Variants in PPARGC1A observed in about 807,000 individuals in gnomAD.
The protein encoded by PPARGC1A is peroxisome proliferator-activated receptor gamma coactivator 1-alpha.
In PPARGC1A, 25 loss-of-function variants were observed where a neutral mutation model predicts 88.7. The ratio of observed to expected loss-of-function variants is 0.28; its 90% CI spans 0.21 to 0.39. PPARGC1A has a LOEUF of 0.39. Ranked by LOEUF, PPARGC1A falls within the 10% of genes least tolerant of loss-of-function variation. The pLI is 1.00. For synonymous variants in PPARGC1A, 363 were observed against 355.6 expected (o/e 1.02, Z -0.24); for missense variants, 880 against 968.7 (o/e 0.91, Z 1.22).
chr4:24,328,376 T>TAATTTC, the PPARGC1A span, among the ~76,000 whole-genome samples: 2 of 152,126 alleles, frequency 1.3e-5, no homozygotes, highest in Non-Finnish European at 2.9e-5. Context: ...CCACAGACCT[T>TAATTTC]AATTTCTTCT....
the PPARGC1A span, among the ~76,000 whole-genome samples, chr4:24,302,830 A>G: frequency 6.6e-6 from 1 of 152,228 alleles, no homozygotes; most frequent in Non-Finnish European, 1.5e-5. Context: ...AGACAAATAA[A>G]TTACTGCCTG....
At chr4:24,264,611 A>G in the PPARGC1A span, among the ~76,000 whole-genome samples, 2 of 152,386 alleles carry the variant, frequency 1.3e-5, no homozygotes, top group South Asian at 4.1e-4. Context: ...CATTGGCAAC[A>G]TGCGGAACCC....
the PPARGC1A span, among the ~76,000 whole-genome samples, chr4:24,209,146 G>A: frequency 6.6e-6 from 1 of 152,098 alleles, no homozygotes; most frequent in Non-Finnish European, 1.5e-5. Flanking sequence ...TTCAAAGGCC[G>A]GTTTCATCAC....
At position 23,844,735 on chromosome 4, in the gene PPARGC1A, G is replaced by GT. The variant is rs1318332239; in HGVS notation, c.235-12985_235-12984insA. Among the ~76,000 whole-genome samples the GT allele has an allele frequency of 7.9e-4, 27 of 34,024 alleles. 1 individual carries two copies. The highest frequency in any genetic ancestry group is 4.3e-3 in the African/African-American group (25 of 5,750). The allele number at this position is 34,024 out of a possible 152,430, so 22.3% of individuals were successfully genotyped here. A position where few individuals can be genotyped will look rare whatever the true frequency, so the allele number is the denominator to read the frequency against. ...TATGATATATATTATTATAATATAT[G>GT]ATATATCATAATATATGATATATAT... On this transcript the variant is annotated intron_variant, in intron 2 of 12. Transcript: ENST00000264867.
chr4:23,929,298 G>A, the PPARGC1A span, among the ~76,000 whole-genome samples: 2 of 152,110 alleles, frequency 1.3e-5, no homozygotes, highest in East Asian at 1.9e-4. Flanking sequence ...TGCTATATGT[G>A]GTAGAAGGAA....
intron 2 of PPARGC1A, chr4:23,883,128 G>C (rs1222652753): frequency 6.6e-6 from 1 of 152,168 alleles, no homozygotes; most frequent in African/African-American, 2.4e-5. Context: ...AGTTCTAACT[G>C]GCCAAGTCCT....
At chr4:23,796,929 T>A (rs1052468787) in intron 12 of PPARGC1A, among the ~76,000 whole-genome samples, 2 of 151,942 alleles carry the variant, frequency 1.3e-5, no homozygotes, top group Admixed American at 6.6e-5. Flanking sequence ...TAGAAGGATA[T>A]AATACTAGAT....
the PPARGC1A span, among the ~76,000 whole-genome samples, chr4:24,205,071 C>T: frequency 6.6e-6 from 1 of 152,178 alleles, no homozygotes; most frequent in Non-Finnish European, 1.5e-5. Flanking sequence ...GTGATCCACC[C>T]ACCTCAGCCT....
chr4:23,951,933 G>T, the PPARGC1A span, among the ~76,000 whole-genome samples: 1 of 152,074 alleles, frequency 6.6e-6, no homozygotes, highest in Admixed American at 6.6e-5. Flanking sequence ...TGTTCATCTG[G>T]AAAGTGTCTG....
chr4:24,011,697 C>T, the PPARGC1A span, among the ~76,000 whole-genome samples: 5 of 152,278 alleles, frequency 3.3e-5, no homozygotes, highest in Admixed American at 6.5e-5. Flanking sequence ...GTCCAGAACC[C>T]GCAGGAAAAT....
At chr4:23,827,147 T>C (rs573173359) in intron 5 of PPARGC1A, among the ~76,000 whole-genome samples, 3 of 152,296 alleles carry the variant, frequency 2.0e-5, no homozygotes, top group African/African-American at 7.2e-5. Context: ...ATTTCACTAA[T>C]TATATTTTCC....
At chr4:24,472,781 TGTGTGC>T in the PPARGC1A span, among the ~76,000 whole-genome samples, 50 of 151,240 alleles carry the variant, frequency 3.3e-4, no homozygotes, top group Admixed American at 1.2e-3. This position sits in a 1 kb window ranked among gnomAD's most constrained non-coding sequence, Gnocchi z 4.5. Context: ...TGCGCGCGTG[TGTGTGC>T]GTGTGCGTGT....
chr4:24,172,094 G>A, the PPARGC1A span, among the ~76,000 whole-genome samples: 112 of 152,170 alleles, frequency 7.4e-4, 1 homozygote, highest in Non-Finnish European at 1.1e-3. Flanking sequence ...CCTCTACTAT[G>A]GCAAAAACTA....
chr4:24,469,046 T>C, the PPARGC1A span, among the ~76,000 whole-genome samples: 3 of 152,172 alleles, frequency 2.0e-5, no homozygotes, highest in Non-Finnish European at 4.4e-5. Context: ...GGATTTTTAA[T>C]TGAGGTAGAG....
the PPARGC1A span, among the ~76,000 whole-genome samples, chr4:24,024,004 G>A: frequency 2.0e-5 from 3 of 152,156 alleles, no homozygotes; most frequent in Admixed American, 2.0e-4. Flanking sequence ...TGTCCATACT[G>A]CAAACATGGG....
chr4:23,969,781 T>C, the PPARGC1A span, among the ~76,000 whole-genome samples: 1 of 152,148 alleles, frequency 6.6e-6, no homozygotes, highest in Non-Finnish European at 1.5e-5. Flanking sequence ...CCACACACGT[T>C]GGGAGTTCCA....
chr4:24,194,630 G>GCGCACACA, the PPARGC1A span, among the ~76,000 whole-genome samples: 13 of 48,608 alleles, frequency 2.7e-4, no homozygotes, highest in Admixed American at 1.2e-3. Context: ...GCACGCGCGC[G>GCGCACACA]CACACACACA....
the PPARGC1A span, among the ~76,000 whole-genome samples, chr4:24,168,368 C>T: frequency 1.3e-5 from 2 of 152,126 alleles, no homozygotes; most frequent in African/African-American, 4.8e-5. Context: ...GAGCCCCTTC[C>T]ACCACATCAC....
the PPARGC1A span, among the ~76,000 whole-genome samples, chr4:23,985,581 G>T: frequency 1.4e-4 from 21 of 148,654 alleles, no homozygotes; most frequent in South Asian, 6.6e-4. Context: ...AGAGATAAAG[G>T]CACATCCATA....
Sources: allele counts gnomAD v4.1 joint callset (sites outside exome capture counted in the v4.1 genomes callset), GRCh38; gene constraint gnomAD v4.1.1; non-coding constraint Gnocchi (gnomAD v3.1); transcripts MANE v1.5; gene names NCBI Gene and HGNC (gene_info 2026-07-23, HGNC 2026-07-21).